The following NOA1 variants were observed in gnomAD, a reference collection of about 807,000 sequenced individuals.
NOA1 encodes nitric oxide-associated protein 1.
In NOA1, 35 loss-of-function variants were observed where a neutral mutation model predicts 58.4. That is an observed-to-expected ratio of 0.60 (90% CI 0.46 to 0.79). The LOEUF is 0.79. Ranked by LOEUF, NOA1 falls within the 30% of genes least tolerant of loss-of-function variation. The pLI is 0.00. For synonymous variants in NOA1, 397 were observed against 373.4 expected (o/e 1.06, Z -0.73); for missense variants, 895 against 894.6 (o/e 1.00, Z -0.01).
At chr4:56,964,335 G>A (rs9996331) in intron 6 of NOA1, 71 bp downstream of exon 6, 895,397 of 1,585,312 alleles carry the variant, frequency 0.56, 255,659 homozygotes, top group East Asian at 0.76. Flanking sequence ...ACAAAGTGCT[G>A]GGATTACAGG....
intron 3 of NOA1, among the ~76,000 whole-genome samples, chr4:56,972,033 T>G (rs1417878459): frequency 6.6e-6 from 1 of 151,998 alleles, no homozygotes; most frequent in East Asian, 1.9e-4. Context: ...GGACTACAGG[T>G]GCCCACTACC....
At position 56,976,652 on chromosome 4, in the gene NOA1, C is replaced by CGGGA. The variant is rs1560465939; in HGVS notation, c.933_934insTCCC (p.Asp312SerfsTer46). 2 of 1,614,060 alleles carry CGGGA rather than the reference C, an allele frequency of 1.2e-6. No individual in the cohort carries two copies. The highest frequency in any genetic ancestry group is 2.7e-5 in the African/African-American group (2 of 74,956). On this transcript the variant is annotated frameshift_variant, in exon 1 of 7. Transcript: ENST00000264230. LOFTEE classifies it high-confidence loss of function. ...GTCTTGGCGCTGATCAGCCGCACGT[C>CGGGA]CCTGACCACTGTGCGGGACCAGTTC...
chr4:56,966,482 C>T (rs1197145349), intron 5 of NOA1, 138 bp downstream of exon 5: 2 of 591,692 alleles, frequency 3.4e-6, no homozygotes, highest in Non-Finnish European at 5.9e-6. Context: ...CCAGAATTCT[C>T]AAAGAGAATG....
At position 56,977,328 on chromosome 4, in the gene NOA1, G is replaced by A. The variant is rs1307807717; in HGVS notation, c.258C>T (p.Thr86=). ...GGAGCTCCTGCAGCTGCTTTTCGCG[G>A]GTGGGTTGCGGCTCCGGATCCAGGA... is the stretch of plus-strand genomic sequence containing the variant. ...EYILDPEPQP[T]REKQLQELQQ... is the part of the protein sequence containing the mutation. Residue 86 remains threonine, a synonymous_variant, in exon 1 of 7, where the codon ACC becomes ACT. Coordinates refer to ENST00000264230, the MANE Select transcript of NOA1 (RefSeq NM_032313.4). The A allele has an allele frequency of 1.9e-6, 3 of 1,614,068 alleles. No homozygotes were observed. Among genetic ancestry groups the A allele is most frequent in the Non-Finnish European group, 2.5e-6 (3 of 1,180,038 alleles).
intron 3 of NOA1, among the ~76,000 whole-genome samples, chr4:56,968,962 C>A (rs1299613105): frequency 6.6e-6 from 1 of 152,198 alleles, no homozygotes; most frequent in Non-Finnish European, 1.5e-5. Context: ...AAAATGGTCA[C>A]CCCATTCTAG....
rs190459187 is a variant in NOA1 at position 56,968,378 on chromosome 4, T to G, written c.1647+6A>C. The G allele has an allele frequency of 1.7e-4, 270 of 1,607,698 alleles. 2 individuals carry two copies. Among genetic ancestry groups the G allele is most frequent in the Non-Finnish European group, 2.0e-5 (24 of 1,178,732 alleles). Reference sequence around the variant, plus strand: ...ATCATTTTTTAATAGTACAGACTTTTCTTACCTGCAGGAAATCTATGCGGC... The same window carrying G: ...ATCATTTTTTAATAGTACAGACTTTGCTTACCTGCAGGAAATCTATGCGGC... On this transcript the variant is annotated splice_donor_region_variant and intron_variant, in intron 4 of 6. Transcript: ENST00000264230.
At position 56,968,454 on chromosome 4, in the gene NOA1, G is replaced by C. The variant is rs774722357; in HGVS notation, c.1577C>G (p.Pro526Arg). ...TCCTGGTTTAAGCACAAAAGTTCTT[G>C]GAACAATGGACTGTGTTGGCAAAAC... The part of the protein sequence containing the change: ...NIVLPTQSIV[P>R]RTFVLKPGMV... The change falls in exon 4 of 7, where the codon CCA becomes CGA. Residue 526 changes from proline to arginine, a missense_variant. Pro to Arg is a moderately radical substitution (Grantham distance 103). Around this residue, in one of 3 missense-constraint regions of NOA1, gnomAD observed 212 missense variants for 221.3 expected, o/e 0.96. Transcript: ENST00000264230. The C allele has an allele frequency of 6.2e-7, 1 of 1,612,496 alleles. No homozygotes were observed. The highest frequency in any genetic ancestry group is 1.1e-5 in the South Asian group (1 of 90,536).
At chr4:56,967,169 C>G (rs77569679) in intron 4 of NOA1, among the ~76,000 whole-genome samples, 1 of 151,830 alleles carries the variant, frequency 6.6e-6, no homozygotes, top group Non-Finnish European at 1.5e-5. Flanking sequence ...ATCCCTTGAG[C>G]TCAAGTTTGA....
intron 5 of NOA1, 33 bp from the exon 6 acceptor site, chr4:56,964,559 A>T: frequency 3.7e-6 from 6 of 1,605,926 alleles, no homozygotes; most frequent in Non-Finnish European, 5.1e-6. Context: ...TACAAGTTCA[A>T]ATTAAATTTC....
chr4:56,972,263 A>G (rs1186692805), intron 3 of NOA1, among the ~76,000 whole-genome samples: 1 of 152,156 alleles, frequency 6.6e-6, no homozygotes, highest in East Asian at 1.9e-4. Flanking sequence ...CAAACATAGA[A>G]AACATTCTGA....
In NOA1 at chr4:56,966,648, T is replaced by A; in HGVS notation, c.1736A>T (p.Gln579Leu). ...TSLDRADALY[Q>L]KHAGHTLLQI... is the part of the protein sequence containing the mutation. ...GAGTAACGTATGACCTGCATGCTTCTGATACAGAGCGTCTGCCCTGTCCAA... is the reference window on the plus strand; with the variant it reads ...GAGTAACGTATGACCTGCATGCTTCAGATACAGAGCGTCTGCCCTGTCCAA... The change falls in exon 5 of 7, where the codon CAG becomes CTG. Residue 579 changes from glutamine (Q) to leucine (L), a missense_variant. Physicochemically the swap from Gln to Leu is moderately radical, Grantham distance 113. This residue lies in a region of NOA1 where 212 missense variants were observed against 221.3 expected (regional missense o/e 0.96). Coordinates refer to ENST00000264230, the MANE Select transcript of NOA1 (RefSeq NM_032313.4). The A allele has an allele frequency of 6.2e-7, 1 of 1,613,252 alleles. No individual in the cohort carries two copies.
In NOA1 at chr4:56,973,869, C is replaced by A. The variant is rs149732605; in HGVS notation, c.1298G>T (p.Gly433Val). Residue 433 changes from glycine (G) to valine (V), a missense_variant, in exon 2 of 7, where the codon GGT (glycine) becomes GTT (valine). Transcript: ENST00000264230. ...QNQLNVLKKH[G>V]YVVGRVGRTF... ...TAGAGGATGCTTACCTACGACATAA[C>A]CATGCTTTTTGAGGACATTAAGCTG... 1 of 1,614,068 alleles carries A rather than the reference C, an allele frequency of 6.2e-7. No homozygotes were observed. Among genetic ancestry groups the A allele is most frequent in the Non-Finnish European group, 8.5e-7 (1 of 1,179,988 alleles).
intron 5 of NOA1, among the ~76,000 whole-genome samples, chr4:56,965,950 C>T (rs1051113200): frequency 6.6e-6 from 1 of 150,514 alleles, no homozygotes; most frequent in African/African-American, 2.5e-5. Flanking sequence ...GGTCCTCCTG[C>T]CTTAACCTCT....
Position 56,964,464 on chromosome 4 carries a change from C to T in NOA1, c.1827G>A (p.Met609Ile), listed in dbSNP as rs769529825. The change falls in exon 6 of 7, where the codon ATG (methionine) becomes ATA (isoleucine). Residue 609 changes from methionine (M) to isoleucine (I), a missense_variant. By Grantham distance (10) the Met-to-Ile change is conservative. Coordinates refer to ENST00000264230, the MANE Select transcript of NOA1 (RefSeq NM_032313.4). ...GFPPLVAEDI[M>I]LKEGLGASEA... ...CAGATGCCCCCAGTCCTTCTTTTAA[C>T]ATAATGTCTTCAGCAACAAGAGGAG... 3.1e-6 allele frequency: 5 copies of T among 1,614,138 alleles called. No homozygotes were observed. In the Admixed American group the frequency reaches 6.7e-5, roughly 22 times the overall value.
intron 1 of NOA1, among the ~76,000 whole-genome samples, chr4:56,975,129 T>C (rs1384209617): frequency 6.6e-6 from 1 of 151,886 alleles, no homozygotes; most frequent in Non-Finnish European, 1.5e-5. Flanking sequence ...GCTCAGGTGA[T>C]TCTCCCACCT....
Position 56,973,845 on chromosome 4 carries a change from A to G in NOA1, c.1309+13T>C. ...ATAGTACCAACGAGGGTTTTCCCAT[A>G]GAGGATGCTTACCTACGACATAACC... On this transcript the variant is annotated intron_variant, in intron 2 of 6. Transcript: ENST00000264230. The G allele has an allele frequency of 6.2e-7, 1 of 1,613,148 alleles. No homozygotes were observed. The highest frequency in any genetic ancestry group is 1.1e-5 in the South Asian group (1 of 91,034).
Position 56,966,684 on chromosome 4 carries a change from T to C in NOA1, c.1700A>G (p.His567Arg), listed in dbSNP as rs1237074774. Residue 567 changes from histidine (H) to arginine (R), a missense_variant, in exon 5 of 7, where the codon CAT becomes CGT. His to Arg is a conservative substitution (Grantham distance 29, BLOSUM62 0). Around this residue, in one of 3 missense-constraint regions of NOA1, gnomAD observed 212 missense variants for 221.3 expected, o/e 0.96. Transcript: ENST00000264230. Reference sequence around the variant, plus strand: ...GTCTGCCCTGTCCAAGGAGGTGATATGCACAGGGAGGATGTTGGAAGCCAC... The same window carrying C: ...GTCTGCCCTGTCCAAGGAGGTGATACGCACAGGGAGGATGTTGGAAGCCAC... ...TVVASNILPVHITSLDRADAL... is the reference protein window; with the variant it reads ...TVVASNILPVRITSLDRADAL... 1 of 1,614,028 alleles carries C rather than the reference T, an allele frequency of 6.2e-7. No individual in the cohort carries two copies. Among genetic ancestry groups the C allele is most frequent in the Admixed American group, 1.7e-5 (1 of 60,008 alleles).
At chr4:56,972,353 C>T (rs1265575163) in intron 3 of NOA1, among the ~76,000 whole-genome samples, 2 of 152,060 alleles carry the variant, frequency 1.3e-5, no homozygotes, top group African/African-American at 4.8e-5. Flanking sequence ...ATTGTGGGCA[C>T]AGTGAATGCT....
At position 56,974,065 on chromosome 4, in the gene NOA1, G is replaced by T. The variant is rs192140288; in HGVS notation, c.1145-43C>A. On this transcript the variant is annotated intron_variant, in intron 1 of 6. Transcript: ENST00000264230. ...AATACATCTTTACAAAAGGGAATAA[G>T]GGGGAAGAAAATGAACATTTTTGAG... 2.9e-4 allele frequency: 361 copies of T among 1,263,478 alleles called. 2 individuals are homozygous for T. The East Asian group carries it at 3.9e-3, about 14-fold the overall frequency. The allele number at this position is 1,263,478 out of a possible 1,614,324, so 78.3% of individuals were successfully genotyped here. A position where few individuals can be genotyped will look rare whatever the true frequency, so the allele number is the denominator to read the frequency against.
Sources: gnomAD v4.1 joint callset for allele counts (sites outside exome capture counted in the v4.1 genomes callset) on GRCh38, gnomAD v4.1.1 for gene constraint, gnomAD v4.1.1 regional missense constraint, MANE v1.5 for transcripts, NCBI Gene and HGNC (gene_info 2026-07-23, HGNC 2026-07-21) for gene names.